Variants in KMT2A observed in about 807,000 individuals in gnomAD.
The protein encoded by KMT2A is histone-lysine N-methyltransferase 2A.
KMT2A carries 16 observed loss-of-function variants against 345.3 expected under a neutral mutation model. The observed-to-expected ratio is 0.05, with a 90% CI of 0.03 to 0.07. KMT2A has a LOEUF of 0.07. Among genes scored for constraint, KMT2A ranks in the 10% least tolerant of loss-of-function variants. The probability of loss-of-function intolerance (pLI) is 1.00; values close to 1 mark genes in which losing one functional copy is unlikely to be tolerated. For missense variants in KMT2A, 3,272 were observed against 4,841.6 expected (o/e 0.68, Z 9.62); for synonymous variants, 1,599 against 1,778.6 (o/e 0.90, Z 2.54).
chr11:118,452,109 A>G (rs1949551808), intron 1 of KMT2A, among the ~76,000 whole-genome samples: 1 of 152,068 alleles, frequency 6.6e-6, no homozygotes, highest in Non-Finnish European at 1.5e-5. Flanking sequence ...AGGCATAATC[A>G]TCATGTATTA....
chr11:118,452,884 G>A (rs910767595), intron 1 of KMT2A, among the ~76,000 whole-genome samples: 3 of 150,852 alleles, frequency 2.0e-5, no homozygotes, highest in Non-Finnish European at 4.4e-5. Flanking sequence ...TGCCCACCTC[G>A]GCCTCCCAAA....
intron 31 of KMT2A, among the ~76,000 whole-genome samples, chr11:118,518,955 G>A (rs1409909191): frequency 1.4e-5 from 2 of 144,486 alleles, no homozygotes; most frequent in South Asian, 2.1e-4. Context: ...GGCGGCGCCC[G>A]TAGTCCCAGC....
At chr11:118,445,824 G>A (rs1020584413) in intron 1 of KMT2A, among the ~76,000 whole-genome samples, 39 of 152,082 alleles carry the variant, frequency 2.6e-4, no homozygotes, top group African/African-American at 8.9e-4. Flanking sequence ...CTAACATGGT[G>A]AAACCCTGTC....
chr11:118,438,050 C>G (rs1949234178), intron 1 of KMT2A, among the ~76,000 whole-genome samples: 3 of 152,164 alleles, frequency 2.0e-5, no homozygotes. Context: ...ATTGATCCAC[C>G]TTTTCCTAGG....
intron 4 of KMT2A, among the ~76,000 whole-genome samples, 196 bp from the exon 5 acceptor site, chr11:118,477,771 T>C (rs1457333218): frequency 6.6e-6 from 1 of 151,890 alleles, no homozygotes; most frequent in African/African-American, 2.4e-5. Context: ...CCTCCCAAAG[T>C]GCTAGGATTA....
chr11:118,473,191 T>C lies in KMT2A; in HGVS notation c.2032T>C (p.Leu678=), dbSNP rs1949973681. ...ATCTGGTACCGCTGCTTCAGCCCGA[T>C]TGTTTTCGCCACTCCATTCTGGAAC... The part of the protein sequence containing the change: ...SASGTAASAR[L]FSPLHSGTRF... The change falls in exon 3 of 36, where the codon TTG becomes CTG. Residue 678 remains leucine, a synonymous_variant. Coordinates refer to ENST00000534358, the MANE Select transcript of KMT2A (RefSeq NM_001197104.2). This position sits in a 1 kb window ranked among gnomAD's most constrained non-coding sequence, Gnocchi z 5.2. 6.2e-7 allele frequency: 1 copy of C among 1,613,868 alleles called. No homozygotes were observed. Among genetic ancestry groups the C allele is most frequent in the Non-Finnish European group, 8.5e-7 (1 of 1,179,916 alleles).
rs143218182 is a variant in KMT2A, at chr11:118,484,689, A to C, written c.4219-173A>C. ...AATTGAACAACTAGGTGAGCCTTTTAATAGTCCGTGTCTGAGATTAAAACT... is the reference window on the plus strand; with the variant it reads ...AATTGAACAACTAGGTGAGCCTTTTCATAGTCCGTGTCTGAGATTAAAACT... On this transcript the variant is annotated intron_variant, in intron 9 of 35. Coordinates refer to ENST00000534358, the MANE Select transcript of KMT2A (RefSeq NM_001197104.2). The surrounding 1 kb of genome is among the most constrained non-coding windows in gnomAD (Gnocchi z 4.1). 6.6e-6 allele frequency among the ~76,000 whole-genome samples: 1 copy of C among 152,348 alleles called. No homozygotes were observed. The highest frequency in any genetic ancestry group is 1.5e-5 in the Non-Finnish European group (1 of 68,038).
chr11:118,505,626 A>G lies in KMT2A; in HGVS notation c.9734A>G (p.Asn3245Ser). Residue 3245 changes from asparagine to serine, a missense_variant, in exon 27 of 36, where the codon AAC (asparagine) becomes AGC (serine). Asn to Ser is a conservative substitution (Grantham distance 46, BLOSUM62 1). Around this residue, in one of 27 missense-constraint regions of KMT2A, gnomAD observed 748 missense variants for 922.2 expected, o/e 0.81. Coordinates refer to ENST00000534358, the MANE Select transcript of KMT2A (RefSeq NM_001197104.2). This position sits in a 1 kb window ranked among gnomAD's most constrained non-coding sequence, Gnocchi z 4.6. The stretch of plus-strand genomic sequence containing the variant: ...CTTGCTCCCTCTAGTACCCCTTCAA[A>G]CATTGCCCCTTCTGATGTGGTTTCT... Reference protein sequence around the residue: ...KKLAPSSTPSNIAPSDVVSNM... With the variant: ...KKLAPSSTPSSIAPSDVVSNM... 6.2e-7 allele frequency: 1 copy of G among 1,614,120 alleles called. No homozygotes were observed. Among genetic ancestry groups the G allele is most frequent in the African/African-American group, 1.3e-5 (1 of 75,018 alleles).
At position 118,522,014 on chromosome 11, in the gene KMT2A, A is replaced by G. The variant is rs782192447; in HGVS notation, c.11761A>G (p.Ile3921Val). Residue 3921 changes from isoleucine (I) to valine (V), a missense_variant, in exon 36 of 36, where the codon ATC becomes GTC. Coordinates refer to ENST00000534358, the MANE Select transcript of KMT2A (RefSeq NM_001197104.2). This position sits in a 1 kb window ranked among gnomAD's most constrained non-coding sequence, Gnocchi z 5.4. ...SCEPNCYSRV[I>V]NIDGQKHIVI... ...TGAGCCTAACTGCTATTCTCGGGTC[A>G]TCAATATTGATGGGCAGAAGCACAT... is the stretch of plus-strand genomic sequence containing the variant. 1 of 1,614,118 alleles carries G rather than the reference A, an allele frequency of 6.2e-7. No individual in the cohort carries two copies. Among genetic ancestry groups the G allele is most frequent in the African/African-American group, 1.3e-5 (1 of 74,934 alleles).
In KMT2A at chr11:118,526,540, G is replaced by T. The variant is rs76962363; in HGVS notation, c.*4368G>T. The T allele has an allele frequency of 0.01, 2,264 of 226,396 alleles. 15 individuals are homozygous for T. The highest frequency in any genetic ancestry group is 0.015 in the Non-Finnish European group (1,737 of 115,112). 14.0% of individuals were successfully genotyped at this position (226,396 alleles called of 1,614,324 possible). A position where few individuals can be genotyped will look rare whatever the true frequency, so the allele number is the denominator to read the frequency against. Reference sequence around the variant, plus strand: ...CAACTTTATCATGTATAACAGATCTGTTTTTTTTCCTTGTGTTCTTCCAAG... The same window carrying T: ...CAACTTTATCATGTATAACAGATCTTTTTTTTTTCCTTGTGTTCTTCCAAG... On this transcript the variant is annotated 3_prime_UTR_variant, in exon 36 of 36. Coordinates refer to ENST00000534358, the MANE Select transcript of KMT2A (RefSeq NM_001197104.2).
rs1181104779 is a variant in KMT2A at position 118,484,672 on chromosome 11, A to G, written c.4219-190A>G. ...GCAATATATTCAATATGAATTGAAC[A>G]ACTAGGTGAGCCTTTTAATAGTCCG... On this transcript the variant is annotated intron_variant, in intron 9 of 35. Transcript: ENST00000534358. This position sits in a 1 kb window ranked among gnomAD's most constrained non-coding sequence, Gnocchi z 4.1. Among the ~76,000 whole-genome samples, 1 of 152,252 alleles carries G rather than the reference A, an allele frequency of 6.6e-6. No individual in the cohort carries two copies. The highest frequency in any genetic ancestry group is 1.5e-5 in the Non-Finnish European group (1 of 68,046).
At chr11:118,460,042 TG>T (rs1949716936) in intron 1 of KMT2A, among the ~76,000 whole-genome samples, 1 of 152,124 alleles carries the variant, frequency 6.6e-6, no homozygotes, top group Admixed American at 6.5e-5. Flanking sequence ...GCATTTTAGT[TG>T]GGGATAGGGA....
rs1555046280 is a variant in KMT2A, at chr11:118,502,853, G to A, written c.6961G>A (p.Gly2321Arg). Residue 2321 changes from glycine (G) to arginine (R), a missense_variant, in exon 27 of 36, where the codon GGA becomes AGA. Around this residue, in one of 27 missense-constraint regions of KMT2A, gnomAD observed 445 missense variants for 500.9 expected, o/e 0.89. Transcript: ENST00000534358. The surrounding 1 kb of genome is among the most constrained non-coding windows in gnomAD (Gnocchi z 4.9). ...TKVLSSKSSE[G>R]SAHNVAYPGI... is the part of the protein sequence containing the mutation. ...AGTGCTGAGTTCCAAGAGCTCAGAG[G>A]GATCTGCACATAATGTGGCTTACCC... is the stretch of plus-strand genomic sequence containing the variant. The A allele has an allele frequency of 6.2e-7, 1 of 1,614,174 alleles. No homozygotes were observed. Among genetic ancestry groups the A allele is most frequent in the Non-Finnish European group, 8.5e-7 (1 of 1,180,030 alleles).
chr11:118,496,838 A>G lies in KMT2A; in HGVS notation c.5664+471A>G, dbSNP rs1950416803. ...TTTAACCTCTCTGACCCTCAGTTTC[A>G]TCTTTAAAATGAAGATAATAACGCT... On this transcript the variant is annotated intron_variant, in intron 20 of 35. Transcript: ENST00000534358. The surrounding 1 kb of genome is among the most constrained non-coding windows in gnomAD (Gnocchi z 4.7). Among the ~76,000 whole-genome samples, 1 of 152,194 alleles carries G rather than the reference A, an allele frequency of 6.6e-6. No homozygotes were observed. Among genetic ancestry groups the G allele is most frequent in the Admixed American group, 6.5e-5 (1 of 15,274 alleles).
rs782350466 is a variant in KMT2A, at chr11:118,499,938, G to C, written c.6158+25G>C. 105 of 1,508,218 alleles carry C rather than the reference G, an allele frequency of 7.0e-5. No homozygotes were observed. The Admixed American group carries it at 1.5e-3, about 22-fold the overall frequency. The allele number at this position is 1,508,218 out of a possible 1,614,324, so 93.4% of individuals were successfully genotyped here. On this transcript the variant is annotated intron_variant, in intron 24 of 35. Transcript: ENST00000534358. ...AGTAAGTAGCACTATAAAGAGAAGA[G>C]AGCAGCCCCACAACCTGAACACACT...
In KMT2A at chr11:118,495,958, T is replaced by A; in HGVS notation, c.5557+65T>A. On this transcript the variant is annotated intron_variant, in intron 19 of 35. Coordinates refer to ENST00000534358, the MANE Select transcript of KMT2A (RefSeq NM_001197104.2). This position sits in a 1 kb window ranked among gnomAD's most constrained non-coding sequence, Gnocchi z 4.1. ...AGATGCAGATGATTGACTTCGTGAA[T>A]CCAATTCACTAAAATTAGATATACT... 1 of 1,322,130 alleles carries A rather than the reference T, an allele frequency of 7.6e-7. No homozygotes were observed. The highest frequency in any genetic ancestry group is 1.1e-6 in the Non-Finnish European group (1 of 951,398). 81.9% of individuals were successfully genotyped at this position (1,322,130 alleles called of 1,614,324 possible).
intron 28 of KMT2A, among the ~76,000 whole-genome samples, chr11:118,507,998 C>T (rs1950618498): frequency 6.6e-6 from 1 of 152,180 alleles, no homozygotes. Flanking sequence ...TCCTGATTCA[C>T]ATTGATTTTT....
At chr11:118,444,358 G>A (rs1295978795) in intron 1 of KMT2A, among the ~76,000 whole-genome samples, 5 of 152,096 alleles carry the variant, frequency 3.3e-5, no homozygotes, top group Non-Finnish European at 5.9e-5. Flanking sequence ...TTTAAGCTTA[G>A]CTAATGAGGA....
chr11:118,522,559 TGTAA>T lies in KMT2A; in HGVS notation c.*390_*393del, dbSNP rs1765609952. On this transcript the variant is annotated 3_prime_UTR_variant, in exon 36 of 36. Coordinates refer to ENST00000534358, the MANE Select transcript of KMT2A (RefSeq NM_001197104.2). This position sits in a 1 kb window ranked among gnomAD's most constrained non-coding sequence, Gnocchi z 5.4. ...CTCAGGTTGGCCCTTTCCCAAGCAC[TGTAA>T]GTGAGTGGGTCAGGCAAAGCCCCAA... is the stretch of plus-strand genomic sequence containing the variant. The T allele has an allele frequency of 3.9e-6, 1 of 255,158 alleles. No individual in the cohort carries two copies. Among genetic ancestry groups the T allele is most frequent in the South Asian group, 1.1e-4 (1 of 8,810 alleles). 15.8% of individuals were successfully genotyped at this position (255,158 alleles called of 1,614,324 possible). A position where few individuals can be genotyped will look rare whatever the true frequency, so the allele number is the denominator to read the frequency against.
Sources: gnomAD v4.1 joint callset for allele counts (sites outside exome capture counted in the v4.1 genomes callset) on GRCh38, gnomAD v4.1.1 for gene constraint, gnomAD v4.1.1 regional missense constraint, Gnocchi (gnomAD v3.1) non-coding constraint, MANE v1.5 for transcripts, NCBI Gene and HGNC (gene_info 2026-07-23, HGNC 2026-07-21) for gene names.